PHLPP2: variants seen among roughly 807,000 people sequenced by gnomAD.
PHLPP2 encodes PH domain and leucine rich repeat protein phosphatase 2, also known as PH domain leucine-rich repeat-containing protein phosphatase 2.
Under a neutral mutation model 124.9 loss-of-function variants are expected in PHLPP2, and 66 were observed. That is an observed-to-expected ratio of 0.53 (90% CI 0.43 to 0.65). The LOEUF (loss-of-function observed/expected upper bound fraction) is 0.65. PHLPP2 is among the 30% of genes least tolerant of loss of function. The probability of loss-of-function intolerance (pLI) is 0.00; values close to 1 mark genes in which losing one functional copy is unlikely to be tolerated. For missense variants in PHLPP2, 1,685 were observed against 1,600.4 expected, an observed-to-expected ratio of 1.05 and a Z score of -0.90; for synonymous variants, 681 against 624.7, an observed-to-expected ratio of 1.09 and a Z score of -1.34.
intron 8 of PHLPP2, chr16:71,677,888 T>C (rs1342992280): frequency 2.0e-5 from 3 of 152,082 alleles, no homozygotes; most frequent in Non-Finnish European, 4.4e-5. Flanking sequence ...AATATACATA[T>C]AAAAAGATGT....
intron 3 of PHLPP2, chr16:71,698,541 C>T (rs550436378): frequency 8.7e-6 from 6 of 685,718 alleles, no homozygotes; most frequent in African/African-American, 3.5e-5. Context: ...AGCACAAAGT[C>T]AGAGACATGA....
chr16:71,715,065 G>A (rs755174384), intron 1 of PHLPP2: 36 of 454,870 alleles, frequency 7.9e-5, no homozygotes, highest in East Asian at 4.3e-5. Flanking sequence ...CAAGAATAAC[G>A]AAACAGCGGG....
In PHLPP2 at chr16:71,703,821, C is replaced by T. The variant is rs184123447; in HGVS notation, c.285-1090G>A. Among the ~76,000 whole-genome samples the T allele has an allele frequency of 1.4e-3, 216 of 152,236 alleles. 2 individuals carry two copies. Among genetic ancestry groups the T allele is most frequent in the African/African-American group, 4.9e-3 (205 of 41,554 alleles). ...AAGATACTATATAGTATGAAAAGTG[C>T]TTAGCAAAATATCTCACATGTAGTA... is the stretch of plus-strand genomic sequence containing the variant. On this transcript the variant is annotated intron_variant, in intron 2 of 18. Transcript: ENST00000568954.
Position 71,681,828 on chromosome 16 carries a change from A to T in PHLPP2, c.813T>A (p.Ser271Arg), listed in dbSNP as rs896794592. ...GCAAGTTGAGGTAGGTAATATCTTG[A>T]CTATAGAAGAGATGCTCAGGAACCT... ...LEEVPEHLFY[S>R]QDITYLNLRH... The change falls in exon 6 of 19, where the codon AGT (serine) becomes AGA (arginine). Residue 271 changes from serine (S) to arginine (R), a missense_variant. Coordinates refer to ENST00000568954, the MANE Select transcript of PHLPP2 (RefSeq NM_015020.3). 8.1e-6 allele frequency: 13 copies of T among 1,613,906 alleles called. No individual in the cohort carries two copies. The highest frequency in any genetic ancestry group is 1.1e-5 in the Non-Finnish European group (13 of 1,179,868).
intron 12 of PHLPP2, 184 bp from the exon 13 acceptor site, chr16:71,664,283 A>T: frequency 1.7e-6 from 1 of 598,644 alleles, no homozygotes; most frequent in Non-Finnish European, 3.0e-6. Context: ...CTTTTACTCA[A>T]CTCATGCAAA....
At chr16:71,708,517 A>C (rs985506094) in intron 2 of PHLPP2, among the ~76,000 whole-genome samples, 3 of 152,176 alleles carry the variant, frequency 2.0e-5, no homozygotes, top group African/African-American at 7.2e-5. Flanking sequence ...TGTGATTAAA[A>C]AGCTTTATTG....
At position 71,648,572 on chromosome 16, in the gene PHLPP2, C is replaced by T. The variant is rs1596984043; in HGVS notation, c.*318G>A. ...ATCACCTGAGGTCAAGAGTTCAACA[C>T]CAGCCTGGCCAACATGGTGAAACCC... On this transcript the variant is annotated 3_prime_UTR_variant, in exon 19 of 19. Coordinates refer to ENST00000568954, the MANE Select transcript of PHLPP2 (RefSeq NM_015020.3). 1 of 305,220 alleles carries T rather than the reference C, an allele frequency of 3.3e-6. No individual in the cohort carries two copies. Among genetic ancestry groups the T allele is most frequent in the African/African-American group, 2.1e-5 (1 of 46,984 alleles). 18.9% of individuals were successfully genotyped at this position (305,220 alleles called of 1,614,324 possible).
intron 18 of PHLPP2, among the ~76,000 whole-genome samples, chr16:71,652,474 G>C (rs971124592): frequency 8.5e-5 from 13 of 152,104 alleles, no homozygotes; most frequent in Non-Finnish European, 1.3e-4. Flanking sequence ...TCTTCTATTT[G>C]GAATAACAAA....
intron 8 of PHLPP2, 130 bp downstream of exon 8, chr16:71,678,625 G>A: frequency 1.6e-6 from 1 of 632,714 alleles, no homozygotes; most frequent in Non-Finnish European, 2.8e-6. Context: ...GGGTGACAAA[G>A]TGAGACCTTG....
chr16:71,714,620 G>T lies in PHLPP2; in HGVS notation c.176C>A (p.Ser59Tyr). 6.2e-7 allele frequency: 1 copy of T among 1,614,024 alleles called. No homozygotes were observed. Among genetic ancestry groups the T allele is most frequent in the Non-Finnish European group, 8.5e-7 (1 of 1,179,900 alleles). The part of the protein sequence containing the change: ...TSSSSSSSSS[S>Y]SDLHLVLCTV... ...GCAAAGGACGAGATGTAAGTCAGAGGAAGAGGAGGAGGAGGAAGAGGAAGA... is the reference window on the plus strand; with the variant it reads ...GCAAAGGACGAGATGTAAGTCAGAGTAAGAGGAGGAGGAGGAAGAGGAAGA... Residue 59 changes from serine (S) to tyrosine (Y), a missense_variant, in exon 2 of 19, where the codon TCC becomes TAC. Physicochemically the swap from Ser to Tyr is moderately radical, Grantham distance 144. Coordinates refer to ENST00000568954, the MANE Select transcript of PHLPP2 (RefSeq NM_015020.3).
chr16:71,718,559 G>T (rs1247309318), intron 1 of PHLPP2, among the ~76,000 whole-genome samples: 1 of 146,342 alleles, frequency 6.8e-6, no homozygotes. Context: ...CAGCCTGGGT[G>T]ACAGTGCAAG....
chr16:71,664,732 C>G (rs572309088), intron 12 of PHLPP2, among the ~76,000 whole-genome samples: 10 of 152,126 alleles, frequency 6.6e-5, no homozygotes, highest in Admixed American at 3.3e-4. Flanking sequence ...AGCCTGGCAA[C>G]AGAGTGAGAC....
At chr16:71,664,369 T>A (rs12930418) in intron 12 of PHLPP2, among the ~76,000 whole-genome samples, 69,337 of 152,070 alleles carry the variant, frequency 0.46, 16,341 homozygotes, top group South Asian at 0.63. Flanking sequence ...CCTAACTTCA[T>A]CTTTTACTCT....
intron 17 of PHLPP2, among the ~76,000 whole-genome samples, chr16:71,654,396 A>C (rs528076228): frequency 6.6e-6 from 1 of 152,218 alleles, no homozygotes; most frequent in South Asian, 2.1e-4. Flanking sequence ...AGATTTTTTG[A>C]CTTCACGATG....
At chr16:71,697,848 ATT>A (rs142040816) in intron 3 of PHLPP2, among the ~76,000 whole-genome samples, 23 of 118,992 alleles carry the variant, frequency 1.9e-4, no homozygotes, top group Non-Finnish European at 2.5e-4. Context: ...AGGAAGTAGG[ATT>A]TTTTTTTTTT....
At chr16:71,723,901 G>C (rs1249830404) in intron 1 of PHLPP2, 32 of 899,976 alleles carry the variant, frequency 3.6e-5, no homozygotes, top group Middle Eastern at 9.0e-4. Context: ...CGCCCGGCCC[G>C]CGCGACGGCG....
At chr16:71,666,132 T>C (rs150042958) in intron 12 of PHLPP2, 3 of 152,144 alleles carry the variant, frequency 2.0e-5, no homozygotes, top group East Asian at 1.9e-4. Flanking sequence ...TGGAACGATA[T>C]AGAGAAGATT....
At chr16:71,658,626 G>C (rs756345327) in intron 14 of PHLPP2, 27 bp downstream of exon 14, 1 of 1,604,226 alleles carries the variant, frequency 6.2e-7, no homozygotes, top group South Asian at 1.1e-5. Context: ...CCCCCAATAA[G>C]GACATCATTC....
intron 1 of PHLPP2, among the ~76,000 whole-genome samples, chr16:71,719,395 G>A (rs539374913): frequency 7.2e-5 from 11 of 152,110 alleles, no homozygotes; most frequent in South Asian, 2.1e-4. Context: ...AGAATTACCC[G>A]GGGGTGGTGG....
Sources: allele counts gnomAD v4.1 joint callset (sites outside exome capture counted in the v4.1 genomes callset), GRCh38; gene constraint gnomAD v4.1.1; transcripts MANE v1.5; gene names NCBI Gene and HGNC (gene_info 2026-07-23, HGNC 2026-07-21).